Variants in NAP1L1 observed in about 807,000 individuals in gnomAD.
NAP1L1 encodes the protein nucleosome assembly protein 1-like 1.
A neutral mutation model predicts 58.9 loss-of-function variants in NAP1L1; 9 were observed. The observed-to-expected ratio is 0.15, with a 90% CI of 0.09 to 0.27. NAP1L1 has a LOEUF of 0.27. Ranked by LOEUF, NAP1L1 falls within the 10% of genes least tolerant of loss-of-function variation. The pLI is 1.00. For missense variants in NAP1L1, 302 were observed against 458.8 expected (o/e 0.66, Z 3.12); for synonymous variants, 130 against 138.3 (o/e 0.94, Z 0.42).
Position 76,068,985 on chromosome 12 carries a change from C to T in NAP1L1, c.27G>A (p.Gln9=), listed in dbSNP as rs911681630. 15 of 1,610,950 alleles carry T rather than the reference C, an allele frequency of 9.3e-6. No homozygotes were observed. Among genetic ancestry groups the T allele is most frequent in the Non-Finnish European group, 1.1e-5 (13 of 1,178,206 alleles). The stretch of plus-strand genomic sequence containing the variant: ...CATCCAAATCTTGATCAAGTTCAGA[C>T]TGTTCTTTGCTATAATATCATAGTA... MADIDNKE[Q]SELDQDLDDV... is the part of the protein sequence containing the mutation. The change falls in exon 3 of 15, where the codon CAG becomes CAA. Residue 9 remains glutamine (Q), a synonymous_variant. Coordinates refer to ENST00000618691, the MANE Select transcript of NAP1L1 (RefSeq NM_004537.7).
At chr12:76,065,588 C>CA (rs1949625326) in intron 4 of NAP1L1, among the ~76,000 whole-genome samples, 1 of 146,368 alleles carries the variant, frequency 6.8e-6, no homozygotes, top group Admixed American at 6.8e-5. Flanking sequence ...ACAGAAAATA[C>CA]AAAAAAGATG....
rs776690995 is a variant in NAP1L1 at position 76,053,754 on chromosome 12, G to C, written c.770+16C>G. 6.3e-7 allele frequency: 1 copy of C among 1,597,532 alleles called. No homozygotes were observed. Among genetic ancestry groups the C allele is most frequent in the Non-Finnish European group, 8.5e-7 (1 of 1,175,778 alleles). ...ACAGAAAAAACATTTTGTTAAGGTAGTAAAATTAAACTCACCCTGTACAAC... is the reference window on the plus strand; with the variant it reads ...ACAGAAAAAACATTTTGTTAAGGTACTAAAATTAAACTCACCCTGTACAAC... On this transcript the variant is annotated intron_variant, in intron 9 of 14. Coordinates refer to ENST00000618691, the MANE Select transcript of NAP1L1 (RefSeq NM_004537.7).
Position 76,053,451 on chromosome 12 carries a change from T to C in NAP1L1, c.771-101A>G, listed in dbSNP as rs1007743801. ...ATTTAGATTTCAAATTTTAGAAGGGTGAATTGCTTCAAATGTTTTCTATAG... is the reference window on the plus strand; with the variant it reads ...ATTTAGATTTCAAATTTTAGAAGGGCGAATTGCTTCAAATGTTTTCTATAG... On this transcript the variant is annotated intron_variant, in intron 9 of 14. Transcript: ENST00000618691. 8 of 1,353,558 alleles carry C rather than the reference T, an allele frequency of 5.9e-6. No individual in the cohort carries two copies. The South Asian group carries it at 8.7e-5, about 15-fold the overall frequency. 83.8% of individuals were successfully genotyped at this position (1,353,558 alleles called of 1,614,324 possible).
At chr12:76,074,471 A>G (rs952065581) in intron 1 of NAP1L1, 4 of 487,880 alleles carry the variant, frequency 8.2e-6, no homozygotes, top group Non-Finnish European at 1.1e-5. Flanking sequence ...AAAAGTTACC[A>G]CTAAGCTTTT....
chr12:76,043,640 G>T lies in NAP1L1; in HGVS notation c.*4789C>A, dbSNP rs920469608. On this transcript the variant is annotated 3_prime_UTR_variant, in exon 15 of 15. Coordinates refer to ENST00000618691, the MANE Select transcript of NAP1L1 (RefSeq NM_004537.7). The stretch of plus-strand genomic sequence containing the variant: ...CTTGTATTTCTACCTGTATTTCCAG[G>T]TATCTCAATTCCTTGAATGTAGCCT... The T allele has an allele frequency of 3.9e-5, 6 of 152,024 alleles. No homozygotes were observed. Among genetic ancestry groups the T allele is most frequent in the African/African-American group, 1.5e-4 (6 of 41,370 alleles). 9.4% of individuals were successfully genotyped at this position (152,024 alleles called of 1,614,324 possible). A position where few individuals can be genotyped will look rare whatever the true frequency, so the allele number is the denominator to read the frequency against.
At chr12:76,058,003 C>A in intron 6 of NAP1L1, 1 of 818,966 alleles carries the variant, frequency 1.2e-6, no homozygotes, top group Non-Finnish European at 2.2e-6. Context: ...TGTGGTGCCT[C>A]AGTAACAGAG....
At chr12:76,057,607 G>T in intron 6 of NAP1L1, 1 of 1,178,754 alleles carries the variant, frequency 8.5e-7, no homozygotes, top group Non-Finnish European at 1.2e-6. Flanking sequence ...AGCCAAGTTA[G>T]ATGCTGATTA....
intron 1 of NAP1L1, among the ~76,000 whole-genome samples, chr12:76,077,980 C>CAAAAAAAAAAAAAAAAA (rs58558132): frequency 4.5e-5 from 3 of 65,958 alleles, no homozygotes; most frequent in African/African-American, 6.3e-5. Context: ...GACCCTGTCT[C>CAAAAAAAAAAAAAAAAA]AAAAAAAAAA....
chr12:76,079,880 C>T (rs898243804), intron 1 of NAP1L1, among the ~76,000 whole-genome samples: 4 of 152,072 alleles, frequency 2.6e-5, no homozygotes, highest in African/African-American at 9.7e-5. Context: ...TTTGTAAAGA[C>T]AGGGTGTCTC....
intron 1 of NAP1L1, among the ~76,000 whole-genome samples, chr12:76,083,409 G>A (rs1365517988): frequency 6.8e-6 from 1 of 146,392 alleles, no homozygotes; most frequent in Admixed American, 7.0e-5. Context: ...GCTTCCCTGG[G>A]CCACACTAGA....
In NAP1L1 at chr12:76,060,127, G is replaced by A. The variant is rs780267873; in HGVS notation, c.348+11C>T. On this transcript the variant is annotated intron_variant, in intron 5 of 14. Transcript: ENST00000618691. Reference sequence around the variant, plus strand: ...GAATGTTAAATTAAACAAAGTAGGAGAAAGCATTACCTTATCAAATAGAGG... The same window carrying A: ...GAATGTTAAATTAAACAAAGTAGGAAAAAGCATTACCTTATCAAATAGAGG... 1.4e-5 allele frequency: 23 copies of A among 1,598,686 alleles called. No individual in the cohort carries two copies. Among genetic ancestry groups the A allele is most frequent in the African/African-American group, 1.1e-4 (7 of 66,484 alleles).
intron 8 of NAP1L1, 29 bp downstream of exon 8, chr12:76,054,990 A>G: frequency 6.5e-7 from 1 of 1,531,054 alleles, no homozygotes; most frequent in Non-Finnish European, 8.9e-7. Flanking sequence ...GCATGTTACA[A>G]AATTATAAAT....
At chr12:76,057,614 AT>A in intron 6 of NAP1L1, 2 of 1,233,290 alleles carry the variant, frequency 1.6e-6, no homozygotes, top group South Asian at 2.5e-5. Context: ...TTAGATGCTG[AT>A]TACCTACTTT....
intron 11 of NAP1L1, among the ~76,000 whole-genome samples, chr12:76,052,007 T>A (rs1315801289): frequency 6.6e-6 from 1 of 151,222 alleles, no homozygotes; most frequent in Admixed American, 6.6e-5. Flanking sequence ...GAGCAATACT[T>A]CATCTCAAAA....
At position 76,038,374 on chromosome 12, in the gene NAP1L1, T is replaced by C. The variant is rs1180565505; in HGVS notation, c.*10055A>G. ...TTTAAGGAACTAAATTCCAAGGATA[T>C]TTCCCTCTTTTGCTGTCATTTTTCC... On this transcript the variant is annotated 3_prime_UTR_variant, in exon 15 of 15. Coordinates refer to ENST00000618691, the MANE Select transcript of NAP1L1 (RefSeq NM_004537.7). 1 of 152,212 alleles carries C rather than the reference T, an allele frequency of 6.6e-6. No individual in the cohort carries two copies. The highest frequency in any genetic ancestry group is 1.5e-5 in the Non-Finnish European group (1 of 68,046). The allele number at this position is 152,212 out of a possible 1,614,324, so 9.4% of individuals were successfully genotyped here. A position where few individuals can be genotyped will look rare whatever the true frequency, so the allele number is the denominator to read the frequency against.
At position 76,068,926 on chromosome 12, in the gene NAP1L1, TCAC is replaced by T; in HGVS notation, c.83_85del (p.Gly28del). The stretch of plus-strand genomic sequence containing the variant: ...AGTAATACCTTTGAGTTTTGTTTCT[TCAC>T]CAGTTTCCTCTTCTTCTACTTCTTC... On this transcript the variant is annotated inframe_deletion, in exon 3 of 15. Coordinates refer to ENST00000618691, the MANE Select transcript of NAP1L1 (RefSeq NM_004537.7). 1.2e-5 allele frequency: 20 copies of T among 1,612,888 alleles called. No homozygotes were observed. Among genetic ancestry groups the T allele is most frequent in the Non-Finnish European group, 1.7e-5 (20 of 1,179,110 alleles).
intron 4 of NAP1L1, among the ~76,000 whole-genome samples, chr12:76,063,727 T>C (rs552198380): frequency 2.5e-4 from 38 of 151,990 alleles, no homozygotes; most frequent in Admixed American, 2.4e-3. Context: ...AGCCGAAGGA[T>C]GAGGCTGCAG....
chr12:76,083,372 C>A (rs928973927), intron 1 of NAP1L1, among the ~76,000 whole-genome samples: 1 of 150,822 alleles, frequency 6.6e-6, no homozygotes, highest in Non-Finnish European at 1.5e-5. Context: ...ATCTAAGAAC[C>A]GTTTGCAGGG....
At chr12:76,055,113 A>C (rs748801108) in intron 7 of NAP1L1, 23 bp from the exon 8 acceptor site, 1 of 1,524,480 alleles carries the variant, frequency 6.6e-7, no homozygotes, top group Non-Finnish European at 9.0e-7. Flanking sequence ...AAAATAATAA[A>C]AATGAATAAC....
Sources: allele counts gnomAD v4.1 joint callset (sites outside exome capture counted in the v4.1 genomes callset), GRCh38; gene constraint gnomAD v4.1.1; transcripts MANE v1.5; gene names NCBI Gene and HGNC (gene_info 2026-07-23, HGNC 2026-07-21).